The following CBLB variants were observed in gnomAD, a reference collection of about 807,000 sequenced individuals.
The protein encoded by CBLB is Cbl proto-oncogene B.
CBLB carries 31 observed loss-of-function variants against 104.9 expected under a neutral mutation model. The observed-to-expected ratio is 0.30, with a 90% CI of 0.22 to 0.40. CBLB has a LOEUF of 0.40. CBLB is among the 10% of genes least tolerant of loss of function. The pLI, the probability that CBLB is intolerant of heterozygous loss-of-function variation, is 1.00. For synonymous variants in CBLB, 440 were observed against 422.6 expected (o/e 1.04, Z -0.51); for missense variants, 1,062 against 1,214.6 (o/e 0.87, Z 1.87).
rs1415721047 is a variant in CBLB at position 105,711,611 on chromosome 3, G to T, written c.1408-7438C>A. On this transcript the variant is annotated intron_variant, in intron 10 of 18. Transcript: ENST00000394030. ...AACAAAAGCTTATATGAAGAATATT[G>T]TGTTAGAGCAATACAATCATTTCCT... is the stretch of plus-strand genomic sequence containing the variant. 2.0e-5 allele frequency among the ~76,000 whole-genome samples: 3 copies of T among 152,018 alleles called. No individual in the cohort carries two copies. In the East Asian group the frequency reaches 5.8e-4, roughly 29 times the overall value.
chr3:105,826,670 C>G (rs1454308485), intron 3 of CBLB, among the ~76,000 whole-genome samples: 1 of 152,136 alleles, frequency 6.6e-6, no homozygotes, highest in East Asian at 1.9e-4. Flanking sequence ...CAAGGATGTA[C>G]CTGCTGCTGG....
Position 105,720,193 on chromosome 3 carries a change from T to C in CBLB, c.1261A>G (p.Ile421Val). 3 of 1,613,962 alleles carry C rather than the reference T, an allele frequency of 1.9e-6. No homozygotes were observed. Among genetic ancestry groups the C allele is most frequent in the East Asian group, 2.2e-5 (1 of 44,880 alleles). Residue 421 changes from isoleucine to valine, a missense_variant, in exon 10 of 19, where the codon ATA becomes GTA. Ile to Val is a conservative substitution (Grantham distance 29). Around this residue, in one of 2 missense-constraint regions of CBLB, gnomAD observed 457 missense variants for 632.0 expected, o/e 0.72. Transcript: ENST00000394030. ...CRCEIKGTEP[I>V]IVDPFDPRDE... ...CTTGGATCAAAGGGGTCCACGATTATGGGCTCAGTTCCTTTTATTTCACAA... is the reference window on the plus strand; with the variant it reads ...CTTGGATCAAAGGGGTCCACGATTACGGGCTCAGTTCCTTTTATTTCACAA...
chr3:105,846,599 A>T (rs1228039443), intron 3 of CBLB, among the ~76,000 whole-genome samples: 2 of 152,112 alleles, frequency 1.3e-5, no homozygotes, highest in Non-Finnish European at 2.9e-5. Context: ...AAAATAATTT[A>T]ATAACTGAAA....
intron 3 of CBLB, among the ~76,000 whole-genome samples, chr3:105,833,833 G>C (rs2087954289): frequency 6.6e-6 from 1 of 151,668 alleles, no homozygotes; most frequent in Non-Finnish European, 1.5e-5. Flanking sequence ...TTTCCTCTGA[G>C]ACATTTAAAC....
At chr3:105,756,529 T>G (rs1490841054) in intron 4 of CBLB, among the ~76,000 whole-genome samples, 1 of 152,176 alleles carries the variant, frequency 6.6e-6, no homozygotes, top group Non-Finnish European at 1.5e-5. Flanking sequence ...GAGTCAGTTC[T>G]TCCCAAATTA....
chr3:105,737,094 A>G, intron 8 of CBLB, 77 bp downstream of exon 8: 1 of 688,922 alleles, frequency 1.5e-6, no homozygotes, highest in African/African-American at 1.8e-5. Context: ...GATTTTAACT[A>G]CACTAAGAGA....
intron 16 of CBLB, among the ~76,000 whole-genome samples, chr3:105,680,379 T>C (rs1178864086): frequency 6.6e-6 from 1 of 152,218 alleles, no homozygotes; most frequent in Non-Finnish European, 1.5e-5. Context: ...CTATTTAAAT[T>C]TAATGAAAAG....
At chr3:105,801,544 G>A (rs1474570534) in intron 3 of CBLB, among the ~76,000 whole-genome samples, 1 of 152,144 alleles carries the variant, frequency 6.6e-6, no homozygotes, top group African/African-American at 2.4e-5. Flanking sequence ...ATTTTACGAA[G>A]AACTTTGATG....
intron 18 of CBLB, among the ~76,000 whole-genome samples, chr3:105,666,993 T>C (rs540138736): frequency 8.5e-5 from 13 of 152,336 alleles, no homozygotes; most frequent in African/African-American, 2.6e-4. Context: ...CGATTTCCAA[T>C]TGAGATCTTA....
At chr3:105,857,324 C>CTACT (rs2091715521) in intron 2 of CBLB, among the ~76,000 whole-genome samples, 1 of 152,148 alleles carries the variant, frequency 6.6e-6, no homozygotes, top group African/African-American at 2.4e-5. Flanking sequence ...ATTGCTTGAA[C>CTACT]TACTATATGC....
intron 2 of CBLB, among the ~76,000 whole-genome samples, chr3:105,857,412 G>A (rs191621729): frequency 6.6e-6 from 1 of 152,110 alleles, no homozygotes; most frequent in Non-Finnish European, 1.5e-5. Context: ...AAAGAGTCTG[G>A]CAGAAGAGAC....
At chr3:105,719,595 C>T (rs986980593) in intron 10 of CBLB, among the ~76,000 whole-genome samples, 3 of 152,208 alleles carry the variant, frequency 2.0e-5, no homozygotes, top group East Asian at 1.9e-4. Flanking sequence ...AACAAACCTA[C>T]TGTGCAGCTG....
chr3:105,756,896 T>C (rs2077131428), intron 4 of CBLB, among the ~76,000 whole-genome samples: 1 of 152,272 alleles, frequency 6.6e-6, no homozygotes, highest in South Asian at 2.1e-4. Flanking sequence ...GGAGCATATT[T>C]CCAATGAATG....
chr3:105,699,503 A>G (rs1409921956), intron 12 of CBLB, among the ~76,000 whole-genome samples: 1 of 152,184 alleles, frequency 6.6e-6, no homozygotes, highest in African/African-American at 2.4e-5. Flanking sequence ...TAGAGCAAAA[A>G]GTGAAATCCA....
upstream of CBLB, chr3:105,869,371 A>C: frequency 7.4e-7 from 1 of 1,342,562 alleles, no homozygotes; most frequent in Non-Finnish European, 9.9e-7. Context: ...GAGCGTCGGG[A>C]CCGGGAGCCA....
chr3:105,742,802 A>G (rs1477081632), intron 6 of CBLB, among the ~76,000 whole-genome samples: 1 of 152,238 alleles, frequency 6.6e-6, no homozygotes, highest in Non-Finnish European at 1.5e-5. Context: ...GTAATTTTAA[A>G]TGTAATTCCA....
At chr3:105,836,052 AC>A (rs2088441965) in intron 3 of CBLB, among the ~76,000 whole-genome samples, 1 of 152,220 alleles carries the variant, frequency 6.6e-6, no homozygotes, top group African/African-American at 2.4e-5. Context: ...AGAGGTAAAC[AC>A]TGCTTGCCTT....
chr3:105,776,867 AAATG>A (rs2152964996), intron 3 of CBLB, among the ~76,000 whole-genome samples: 1 of 152,306 alleles, frequency 6.6e-6, no homozygotes, highest in East Asian at 1.9e-4. Context: ...AATCAAATAT[AAATG>A]GTAAACATAA....
intron 3 of CBLB, among the ~76,000 whole-genome samples, chr3:105,835,207 T>C (rs1208074172): frequency 6.6e-6 from 1 of 152,220 alleles, no homozygotes; most frequent in African/African-American, 2.4e-5. Flanking sequence ...TGAATGTATT[T>C]TCCTATATCA....
Sources: allele counts gnomAD v4.1 joint callset (sites outside exome capture counted in the v4.1 genomes callset), GRCh38; gene constraint gnomAD v4.1.1; regional missense constraint gnomAD v4.1.1; transcripts MANE v1.5; gene names NCBI Gene and HGNC (gene_info 2026-07-23, HGNC 2026-07-21).